UBE2E2: variants seen among roughly 807,000 people sequenced by gnomAD.
UBE2E2 encodes the protein ubiquitin-conjugating enzyme E2 E2.
UBE2E2 carries 6 observed loss-of-function variants against 24.7 expected under a neutral mutation model. The ratio of observed to expected loss-of-function variants is 0.24; its 90% confidence interval spans 0.13 to 0.48. The LOEUF (loss-of-function observed/expected upper bound fraction) is 0.48. UBE2E2 is among the 20% of genes least tolerant of loss of function. The probability of loss-of-function intolerance (pLI) is 0.99; values close to 1 mark genes in which losing one functional copy is unlikely to be tolerated. For missense variants in UBE2E2, 169 were observed against 245.0 expected (o/e 0.69, Z 2.07); for synonymous variants, 104 against 83.6 (o/e 1.24, Z -1.33).
intron 3 of UBE2E2, among the ~76,000 whole-genome samples, chr3:23,398,316 AAAAAAAAC>A (rs1017623889): frequency 2.0e-5 from 3 of 151,358 alleles, no homozygotes; most frequent in Admixed American, 6.6e-5. Flanking sequence ...CCATCTCAAA[AAAAAAAAC>A]AAAAAAAAAC....
At position 23,551,472 on chromosome 3, in the gene UBE2E2, A is replaced by G. The variant is rs528682865; in HGVS notation, c.508+18771A>G. Among the ~76,000 whole-genome samples the G allele has an allele frequency of 3.7e-4, 56 of 152,350 alleles. 1 individual carries two copies. The highest frequency in any genetic ancestry group is 1.3e-3 in the African/African-American group (54 of 41,584). On this transcript the variant is annotated intron_variant, in intron 5 of 5. Coordinates refer to ENST00000396703, the MANE Select transcript of UBE2E2 (RefSeq NM_152653.4). ...TATTAGTAGAAACATGCAAACAGCT[A>G]TACTATTCAAACTTGCTAGTAACTT...
intron 5 of UBE2E2, among the ~76,000 whole-genome samples, chr3:23,538,760 A>C (rs13083617): frequency 6.6e-6 from 1 of 152,310 alleles, no homozygotes; most frequent in South Asian, 2.1e-4. Flanking sequence ...GTACCATCAT[A>C]AATTTGGTTT....
intron 3 of UBE2E2, among the ~76,000 whole-genome samples, chr3:23,354,046 T>G (rs1415124014): frequency 6.6e-6 from 1 of 152,094 alleles, no homozygotes. Context: ...GAGATATAGA[T>G]CAGCGGAACA....
intron 4 of UBE2E2, among the ~76,000 whole-genome samples, chr3:23,518,787 C>T (rs1694800291): frequency 6.6e-6 from 1 of 152,146 alleles, no homozygotes; most frequent in South Asian, 2.1e-4. Flanking sequence ...ATGTTTTCTC[C>T]ATCTCCCCCT....
intron 4 of UBE2E2, among the ~76,000 whole-genome samples, chr3:23,509,008 T>C (rs1694523486): frequency 6.6e-6 from 1 of 152,160 alleles, no homozygotes; most frequent in Non-Finnish European, 1.5e-5. Flanking sequence ...GTGAGTTTTC[T>C]GAAGAGAGAA....
intron 3 of UBE2E2, among the ~76,000 whole-genome samples, chr3:23,398,699 C>G (rs1697140148): frequency 1.3e-5 from 2 of 152,132 alleles, no homozygotes; most frequent in African/African-American, 4.8e-5. Flanking sequence ...TATTCTGAAA[C>G]TGTTAGAAAT....
chr3:23,215,940 A>G lies in UBE2E2; in HGVS notation c.177-1322A>G, dbSNP rs981200202. On this transcript the variant is annotated intron_variant, in intron 2 of 5. Coordinates refer to ENST00000396703, the MANE Select transcript of UBE2E2 (RefSeq NM_152653.4). ...TGTCATTTAAATATGGGCAATATGT[A>G]CTTTGTATGCATATAAATACTTCAC... 3.9e-5 allele frequency among the ~76,000 whole-genome samples: 6 copies of G among 152,176 alleles called. No homozygotes were observed. The South Asian group carries it at 1.0e-3, about 26-fold the overall frequency.
chr3:23,210,853 T>C (rs968404148), intron 2 of UBE2E2, among the ~76,000 whole-genome samples: 1 of 152,212 alleles, frequency 6.6e-6, no homozygotes, highest in Non-Finnish European at 1.5e-5. Context: ...GGTCTTCAGT[T>C]GGTTTTCGGG....
chr3:23,326,904 A>T (rs558664229), intron 3 of UBE2E2, among the ~76,000 whole-genome samples: 1 of 151,694 alleles, frequency 6.6e-6, no homozygotes, highest in Non-Finnish European at 1.5e-5. Context: ...ATTCCTACCT[A>T]TGAGTGAGAA....
chr3:23,470,477 A>G (rs1304386175), intron 3 of UBE2E2, among the ~76,000 whole-genome samples: 2 of 152,158 alleles, frequency 1.3e-5, no homozygotes, highest in African/African-American at 4.8e-5. Context: ...GTTTTTCCTC[A>G]AGTTGTTATT....
At chr3:23,261,526 G>A (rs1236238841) in intron 3 of UBE2E2, among the ~76,000 whole-genome samples, 1 of 152,052 alleles carries the variant, frequency 6.6e-6, no homozygotes, top group Non-Finnish European at 1.5e-5. Context: ...ATACAGTATA[G>A]TATTACTAGC....
chr3:23,341,381 A>T (rs546598270), intron 3 of UBE2E2, among the ~76,000 whole-genome samples: 1 of 152,280 alleles, frequency 6.6e-6, no homozygotes, highest in African/African-American at 2.4e-5. Context: ...TAATTAGATA[A>T]ATTTACCCAA....
chr3:23,556,454 T>TTAAAAAAAAAAA (rs1553620573), intron 5 of UBE2E2, among the ~76,000 whole-genome samples: 54 of 94,298 alleles, frequency 5.7e-4, no homozygotes, highest in Admixed American at 1.1e-3. Context: ...AAAATTTATT[T>TTAAAAAAAAAAA]AAAAAAAAAA....
intron 3 of UBE2E2, among the ~76,000 whole-genome samples, chr3:23,314,480 T>C (rs1191707300): frequency 6.6e-6 from 1 of 152,210 alleles, no homozygotes; most frequent in African/African-American, 2.4e-5. Context: ...ACTAAAGATA[T>C]GAGTAGTTAC....
chr3:23,568,665 A>G (rs1434068852), intron 5 of UBE2E2, among the ~76,000 whole-genome samples: 1 of 96,706 alleles, frequency 1.0e-5, no homozygotes, highest in East Asian at 4.3e-4. Context: ...GTATACATAT[A>G]TACGCACATA....
chr3:23,238,397 A>G (rs370524227), intron 3 of UBE2E2, among the ~76,000 whole-genome samples: 2 of 152,166 alleles, frequency 1.3e-5, no homozygotes, highest in East Asian at 3.9e-4. Flanking sequence ...CTAGAACACT[A>G]AAGCATTGTG....
At chr3:23,534,977 A>G (rs905066939) in intron 5 of UBE2E2, among the ~76,000 whole-genome samples, 17 of 152,170 alleles carry the variant, frequency 1.1e-4, no homozygotes, top group Non-Finnish European at 2.2e-4. Flanking sequence ...AATCTTTTTC[A>G]TACTCTTTTT....
At chr3:23,549,356 T>C (rs1490958314) in intron 5 of UBE2E2, among the ~76,000 whole-genome samples, 1 of 152,246 alleles carries the variant, frequency 6.6e-6, no homozygotes, top group Non-Finnish European at 1.5e-5. Context: ...CATGCATCTT[T>C]TCAGCAAACC....
chr3:23,295,556 G>T (rs1472794550), intron 3 of UBE2E2, among the ~76,000 whole-genome samples: 1 of 152,150 alleles, frequency 6.6e-6, no homozygotes, highest in Admixed American at 6.6e-5. Context: ...AATGTAATCA[G>T]ATCTTCTAGT....
Sources: allele counts gnomAD v4.1 joint callset (sites outside exome capture counted in the v4.1 genomes callset), GRCh38; gene constraint gnomAD v4.1.1; transcripts MANE v1.5; gene names NCBI Gene and HGNC (gene_info 2026-07-23, HGNC 2026-07-21).